The following MPND variants were observed in gnomAD, a reference collection of about 807,000 sequenced individuals.
MPND encodes MPN domain containing, also known as MPN domain-containing protein.
Under a neutral mutation model 59.2 loss-of-function variants are expected in MPND, and 56 were observed. The ratio of observed to expected loss-of-function variants is 0.95; its 90% CI spans 0.76 to 1.18. The LOEUF is 1.18. MPND is among the 50% of genes most tolerant of loss of function. MPND has a pLI of 0.00. For synonymous variants in MPND, 323 were observed against 291.9 expected (o/e 1.11, Z -1.09); for missense variants, 671 against 676.0 (o/e 0.99, Z 0.08).
chr19:4,344,046 C>T, intron 2 of MPND, 52 bp downstream of exon 2: 1 of 1,224,008 alleles, frequency 8.2e-7, no homozygotes, highest in African/African-American at 1.6e-5. Flanking sequence ...GAAGGGGAAA[C>T]TGAGGCCTGG....
intron 11 of MPND, 104 bp downstream of exon 11, chr19:4,358,276 T>C (rs1052855787): frequency 5.8e-6 from 6 of 1,036,398 alleles, no homozygotes; most frequent in Admixed American, 4.1e-5. Flanking sequence ...CTATGGCTGG[T>C]GGCGCCTTGG....
intron 8 of MPND, among the ~76,000 whole-genome samples, chr19:4,356,283 G>A (rs948619910): frequency 6.6e-6 from 1 of 152,024 alleles, no homozygotes; most frequent in Non-Finnish European, 1.5e-5. Flanking sequence ...CAGGCACCGG[G>A]GGTTCACACC....
rs1972157843 is a variant in MPND at position 4,345,129 on chromosome 19, C to A, written c.295-616C>A. Among the ~76,000 whole-genome samples the A allele has an allele frequency of 1.4e-5, 2 of 145,576 alleles. 1 individual carries two copies. ...GTAGCATGATCTCGGCTCACTGCAA[C>A]CTCTGCCTCCCGGTTCAAGCAATTC... On this transcript the variant is annotated intron_variant, in intron 2 of 12. Transcript: ENST00000599840.
chr19:4,357,048 C>T, intron 8 of MPND: 1 of 446,854 alleles, frequency 2.2e-6, no homozygotes. Context: ...TGGCAGGGTG[C>T]ATCTTTTATA....
At chr19:4,351,349 C>T (rs1016093621) in intron 3 of MPND, among the ~76,000 whole-genome samples, 3 of 152,096 alleles carry the variant, frequency 2.0e-5, no homozygotes, top group East Asian at 2.0e-4. Flanking sequence ...AGTGGTCCAC[C>T]GCCTCAGCCT....
chr19:4,359,849 G>A (rs1047272597), intron 12 of MPND, 67 bp from the exon 13 acceptor site: 14 of 1,311,164 alleles, frequency 1.1e-5, no homozygotes, highest in Non-Finnish European at 1.5e-5. Flanking sequence ...CTTGCACGGT[G>A]GACTGTGAGG....
intron 10 of MPND, 101 bp downstream of exon 10, chr19:4,357,686 TGGG>T: frequency 1.6e-6 from 2 of 1,220,120 alleles, no homozygotes; most frequent in Non-Finnish European, 2.3e-6. Context: ...ACTGGAGAGT[TGGG>T]GCCCCAGTTT....
In MPND at chr19:4,355,133, G is replaced by A. The variant is rs757883930; in HGVS notation, c.956G>A (p.Arg319Gln). Residue 319 changes from arginine (R) to glutamine (Q), a missense_variant, in exon 8 of 13, where the codon CGG becomes CAG. Transcript: ENST00000599840. ...CTCAGAGCCTTCCCTTGTCGGAGCC[G>A]GCTCGGGGACGCAGAGACTGCAGCT... is the stretch of plus-strand genomic sequence containing the variant. ...TVLRAFPCRS[R>Q]LGDAETAAAI... 1.2e-5 allele frequency: 19 copies of A among 1,613,492 alleles called. No individual in the cohort carries two copies. Among genetic ancestry groups the A allele is most frequent in the Middle Eastern group, 1.8e-4 (1 of 5,690 alleles).
intron 2 of MPND, among the ~76,000 whole-genome samples, chr19:4,345,169 C>T (rs1197916919): frequency 6.7e-6 from 1 of 149,756 alleles, no homozygotes; most frequent in Non-Finnish European, 1.5e-5. Flanking sequence ...GCCTTAGCCT[C>T]TTGAGTAGCT....
intron 11 of MPND, 159 bp downstream of exon 11, chr19:4,358,331 G>T: frequency 1.6e-6 from 1 of 635,870 alleles, no homozygotes; most frequent in Non-Finnish European, 2.7e-6. Flanking sequence ...CAGAGTCCAG[G>T]CCCTTGCCAG....
chr19:4,346,068 G>T (rs1313562094), intron 3 of MPND, 87 bp downstream of exon 3: 4 of 1,135,058 alleles, frequency 3.5e-6, no homozygotes, highest in South Asian at 1.4e-5. Context: ...TCCGGAGGAG[G>T]TATTAGTAAT....
chr19:4,351,457 C>T (rs1439927818), intron 3 of MPND, among the ~76,000 whole-genome samples: 1 of 152,210 alleles, frequency 6.6e-6, no homozygotes, highest in Non-Finnish European at 1.5e-5. Context: ...TGCTGGCTCG[C>T]TCAATGAACG....
At chr19:4,346,116 GCCT>G (rs1280612077) in intron 3 of MPND, 135 bp downstream of exon 3, 2 of 738,324 alleles carry the variant, frequency 2.7e-6, no homozygotes, top group South Asian at 3.6e-5. Context: ...CACGTGACAT[GCCT>G]CCTCCATCCC....
At chr19:4,348,840 G>T (rs1451872199) in intron 3 of MPND, 1 of 151,504 alleles carries the variant, frequency 6.6e-6, no homozygotes, top group Non-Finnish European at 1.5e-5. Flanking sequence ...TATTTTTAGT[G>T]GAGACGGGGT....
intron 2 of MPND, among the ~76,000 whole-genome samples, chr19:4,344,621 C>A (rs1454073641): frequency 6.6e-6 from 1 of 152,128 alleles, no homozygotes; most frequent in Non-Finnish European, 1.5e-5. Flanking sequence ...GGTTTCCCAG[C>A]CGTGAAATGG....
rs1339615044 is a variant in MPND, at chr19:4,343,905, G to A, written c.205G>A (p.Ala69Thr). Residue 69 changes from alanine (A) to threonine (T), a missense_variant, in exon 2 of 13, where the codon GCG (alanine) becomes ACG (threonine). Ala to Thr is a moderately conservative substitution (Grantham distance 58). Coordinates refer to ENST00000599840, the MANE Select transcript of MPND (RefSeq NM_001300862.2). ...GAGGCGGPGGALTRRAVTLRV... is the reference protein window; with the variant it reads ...GAGGCGGPGGTLTRRAVTLRV... Reference sequence around the variant, plus strand: ...GGGGGGCTGCGGCGGGCCCGGGGGCGCGCTCACCAGGCGCGCGGTCACACT... The same window carrying A: ...GGGGGGCTGCGGCGGGCCCGGGGGCACGCTCACCAGGCGCGCGGTCACACT... The A allele has an allele frequency of 5.5e-6, 7 of 1,265,546 alleles. No individual in the cohort carries two copies. Among genetic ancestry groups the A allele is most frequent in the South Asian group, 3.1e-5 (1 of 32,222 alleles). The allele number at this position is 1,265,546 out of a possible 1,614,324, so 78.4% of individuals were successfully genotyped here.
chr19:4,352,432 C>T (rs953412596), intron 3 of MPND, among the ~76,000 whole-genome samples: 1 of 151,936 alleles, frequency 6.6e-6, no homozygotes, highest in South Asian at 2.1e-4. Context: ...CGCCTGTAAT[C>T]CCAGCACTTT....
chr19:4,351,625 G>T lies in MPND; in HGVS notation c.532-1272G>T, dbSNP rs1440382869. Among the ~76,000 whole-genome samples, 219 of 152,012 alleles carry T rather than the reference G, an allele frequency of 1.4e-3. 1 individual carries two copies. Among genetic ancestry groups the T allele is most frequent in the African/African-American group, 5.2e-3 (214 of 41,462 alleles). ...CGCCTTTAATCCCAGCACTTTGGGT[G>T]GCCGAGATGGGCAAATCACAAGGTC... On this transcript the variant is annotated intron_variant, in intron 3 of 12. Coordinates refer to ENST00000599840, the MANE Select transcript of MPND (RefSeq NM_001300862.2).
chr19:4,358,422 T>C, intron 11 of MPND: 1 of 518,380 alleles, frequency 1.9e-6, no homozygotes, highest in Non-Finnish European at 3.5e-6. Context: ...GGCTGTCCAG[T>C]AGAGAAACCC....
Sources: allele counts gnomAD v4.1 joint callset (sites outside exome capture counted in the v4.1 genomes callset), GRCh38; gene constraint gnomAD v4.1.1; transcripts MANE v1.5; gene names NCBI Gene and HGNC (gene_info 2026-07-23, HGNC 2026-07-21).